Variants in MEMO1 observed in about 807,000 individuals in gnomAD.
MEMO1 encodes protein MEMO1.
In MEMO1, 6 loss-of-function variants were observed where a neutral mutation model predicts 45.2. That is an observed-to-expected ratio of 0.13 (90% confidence interval 0.07 to 0.26). MEMO1 has a LOEUF of 0.26. Among genes scored for constraint, MEMO1 ranks in the 10% least tolerant of loss-of-function variants. MEMO1 has a pLI of 1.00. For synonymous variants in MEMO1, 78 were observed against 124.3 expected (o/e 0.63, Z 2.48); for missense variants, 184 against 370.5 (o/e 0.50, Z 4.13).
chr2:31,936,968 A>G (rs774115552), intron 3 of MEMO1, among the ~76,000 whole-genome samples: 2 of 152,232 alleles, frequency 1.3e-5, no homozygotes, highest in African/African-American at 4.8e-5. Flanking sequence ...GAAAAGTCAC[A>G]AGATCTACTT....
At chr2:31,912,188 T>A (rs947618625) in intron 6 of MEMO1, among the ~76,000 whole-genome samples, 7 of 151,856 alleles carry the variant, frequency 4.6e-5, no homozygotes, top group Non-Finnish European at 8.8e-5. Flanking sequence ...TACAAAAAAA[T>A]TAGCTGGCGT....
chr2:31,892,617 TA>T (rs1677142626), intron 6 of MEMO1, among the ~76,000 whole-genome samples: 1 of 152,194 alleles, frequency 6.6e-6, no homozygotes. Context: ...AAGTGAGACC[TA>T]AAAACTTAAT....
intron 8 of MEMO1, among the ~76,000 whole-genome samples, chr2:31,876,222 C>G (rs1169916322): frequency 6.6e-6 from 1 of 152,092 alleles, no homozygotes; most frequent in Admixed American, 6.6e-5. Flanking sequence ...TCTAACACAC[C>G]AGCTTCTTTC....
At chr2:31,999,422 G>T (rs1342924767) in intron 2 of MEMO1, among the ~76,000 whole-genome samples, 1 of 152,122 alleles carries the variant, frequency 6.6e-6, no homozygotes, top group East Asian at 1.9e-4. Flanking sequence ...CAGCACTCTG[G>T]GAGGCTGAGA....
intron 2 of MEMO1, among the ~76,000 whole-genome samples, chr2:31,965,219 A>G (rs1558538066): frequency 6.6e-6 from 1 of 151,550 alleles, no homozygotes; most frequent in East Asian, 1.9e-4. Flanking sequence ...ATCAAAAAAA[A>G]GAAAGAAAGG....
intron 2 of MEMO1, among the ~76,000 whole-genome samples, chr2:32,005,563 C>G (rs1376641182): frequency 1.3e-5 from 2 of 151,944 alleles, no homozygotes; most frequent in East Asian, 3.9e-4. Flanking sequence ...CTTACACTCC[C>G]TGGATCCCTA....
chr2:31,975,399 G>A (rs1023673078), intron 2 of MEMO1, among the ~76,000 whole-genome samples: 3 of 152,130 alleles, frequency 2.0e-5, no homozygotes, highest in African/African-American at 4.8e-5. Flanking sequence ...AGAGGAGTCA[G>A]CAGGCAATAT....
chr2:31,939,924 A>C (rs921718045), intron 3 of MEMO1, among the ~76,000 whole-genome samples: 15 of 152,030 alleles, frequency 9.9e-5, no homozygotes, highest in African/African-American at 3.6e-4. Context: ...TAATACTTTC[A>C]TTTCCACCAC....
chr2:31,933,348 A>AAAAAT (rs1558514269), intron 3 of MEMO1, among the ~76,000 whole-genome samples: 9 of 16,176 alleles, frequency 5.6e-4, no homozygotes, highest in Non-Finnish European at 6.3e-4. Flanking sequence ...AAAAAAAAAA[A>AAAAAT]ATTTATATAT....
At chr2:31,970,294 C>G (rs779740188) in intron 2 of MEMO1, among the ~76,000 whole-genome samples, 17 of 152,072 alleles carry the variant, frequency 1.1e-4, no homozygotes, top group Non-Finnish European at 2.5e-4. Context: ...TTCAGTAGCC[C>G]TCTCTCCAGA....
At chr2:31,952,439 C>T (rs975065208) in intron 2 of MEMO1, among the ~76,000 whole-genome samples, 17 of 152,176 alleles carry the variant, frequency 1.1e-4, no homozygotes, top group African/African-American at 3.6e-4. Context: ...AGAGCTAAAA[C>T]CAATTCCATT....
intron 2 of MEMO1, among the ~76,000 whole-genome samples, chr2:31,976,710 T>TA (rs1670043230): frequency 2.6e-5 from 4 of 152,352 alleles, no homozygotes; most frequent in Admixed American, 2.6e-4. Flanking sequence ...CTATTTTTGC[T>TA]AATCAATACA....
chr2:31,887,516 T>G (rs141104868), intron 7 of MEMO1, among the ~76,000 whole-genome samples: 22 of 152,290 alleles, frequency 1.4e-4, no homozygotes, highest in African/African-American at 3.6e-4. Context: ...GATAAATTAT[T>G]AGGCCATTCT....
chr2:31,893,993 A>G (rs1677342498), intron 6 of MEMO1, among the ~76,000 whole-genome samples: 1 of 152,208 alleles, frequency 6.6e-6, no homozygotes, highest in Non-Finnish European at 1.5e-5. Context: ...CATGAATTAG[A>G]GAAAAGAGCA....
intron 3 of MEMO1, among the ~76,000 whole-genome samples, chr2:31,935,250 C>T (rs1236437573): frequency 6.6e-6 from 1 of 152,112 alleles, no homozygotes; most frequent in East Asian, 1.9e-4. Flanking sequence ...TATAAGAGAT[C>T]TTTACATGTT....
intron 2 of MEMO1, among the ~76,000 whole-genome samples, chr2:31,950,503 G>C (rs1666720779): frequency 6.6e-6 from 1 of 151,950 alleles, no homozygotes; most frequent in African/African-American, 2.4e-5. Flanking sequence ...CAGATCACTT[G>C]AGGTCAGGAA....
chr2:31,871,333 A>G (rs1293820802), intron 8 of MEMO1, among the ~76,000 whole-genome samples: 2 of 152,224 alleles, frequency 1.3e-5, no homozygotes, highest in African/African-American at 4.8e-5. Context: ...AAGCACCAAG[A>G]GTAATCAGAT....
At chr2:31,949,595 G>A (rs1233137277) in intron 2 of MEMO1, among the ~76,000 whole-genome samples, 2 of 128,102 alleles carry the variant, frequency 1.6e-5, no homozygotes, top group African/African-American at 5.9e-5. Flanking sequence ...CAGAGGCTGG[G>A]AAGAGTATTG....
intron 2 of MEMO1, among the ~76,000 whole-genome samples, chr2:31,970,803 A>T (rs1669301704): frequency 6.6e-6 from 1 of 152,206 alleles, no homozygotes; most frequent in Non-Finnish European, 1.5e-5. Context: ...CAGGAGTTTG[A>T]GACCAGCCTG....
Sources: gnomAD v4.1 joint callset for allele counts (sites outside exome capture counted in the v4.1 genomes callset) on GRCh38, gnomAD v4.1.1 for gene constraint, MANE v1.5 for transcripts, NCBI Gene and HGNC (gene_info 2026-07-23, HGNC 2026-07-21) for gene names.